The following TSPEAR variants were observed in gnomAD, a reference collection of about 807,000 sequenced individuals.
The protein encoded by TSPEAR is thrombospondin type laminin G domain and EAR repeats, also known as thrombospondin-type laminin G domain and EAR repeat-containing protein.
In TSPEAR, 69 loss-of-function variants were observed where a neutral mutation model predicts 71.6. The observed-to-expected ratio is 0.96, with a 90% confidence interval of 0.79 to 1.18. The LOEUF (loss-of-function observed/expected upper bound fraction) is 1.18, where lower values mean the gene tolerates loss of function less well. Ranked by LOEUF, TSPEAR falls within the 50% of genes most tolerant of loss-of-function variation. The pLI is 0.00. For synonymous variants in TSPEAR, 402 were observed against 387.2 expected (o/e 1.04, Z -0.45); for missense variants, 971 against 894.9 (o/e 1.09, Z -1.09).
At chr21:44,543,041 G>A (rs2053248183) in intron 2 of TSPEAR, among the ~76,000 whole-genome samples, 1 of 151,954 alleles carries the variant, frequency 6.6e-6, no homozygotes, top group African/African-American at 2.4e-5. Flanking sequence ...TCTATACCTG[G>A]GAAGAAGATT....
rs949777166 is a variant in TSPEAR at position 44,586,950 on chromosome 21, T to C, written c.83-18945A>G. Among the ~76,000 whole-genome samples, 4 of 152,184 alleles carry C rather than the reference T, an allele frequency of 2.6e-5. No individual in the cohort carries two copies. The South Asian group carries it at 8.3e-4, about 32-fold the overall frequency. On this transcript the variant is annotated intron_variant, in intron 1 of 11. Transcript: ENST00000323084. ...CAACATAACACTGAATGGGGAGAAG[T>C]TGAAAGCACTCCCTCTGAGAACTGC...
At chr21:44,645,347 G>A (rs1458857129) in intron 1 of TSPEAR, among the ~76,000 whole-genome samples, 19 of 133,176 alleles carry the variant, frequency 1.4e-4, no homozygotes, top group Non-Finnish European at 2.7e-4. Flanking sequence ...ATCGAAGGGA[G>A]GGCCACTTAG....
At chr21:44,653,047 A>G (rs1285208840) in intron 1 of TSPEAR, among the ~76,000 whole-genome samples, 2 of 152,014 alleles carry the variant, frequency 1.3e-5, no homozygotes, top group East Asian at 3.8e-4. Flanking sequence ...AGTCCCAGAT[A>G]CTCGGGAGGC....
In TSPEAR at chr21:44,710,358, G is replaced by A. The variant is rs1988154636; in HGVS notation, c.82+1075C>T. Reference sequence around the variant, plus strand: ...CTACCTACCTCCCACTGCACAGCCCGAGGGCTGTCCTGGAGGCACAGCCAT... The same window carrying A: ...CTACCTACCTCCCACTGCACAGCCCAAGGGCTGTCCTGGAGGCACAGCCAT... On this transcript the variant is annotated intron_variant, in intron 1 of 11. Coordinates refer to ENST00000323084, the MANE Select transcript of TSPEAR (RefSeq NM_144991.3). The surrounding 1 kb of genome is among the most constrained non-coding windows in gnomAD (Gnocchi z 4.6). 6.6e-6 allele frequency among the ~76,000 whole-genome samples: 1 copy of A among 151,994 alleles called. No individual in the cohort carries two copies.
intron 1 of TSPEAR, chr21:44,646,787 G>A: frequency 1.9e-6 from 3 of 1,613,408 alleles, no homozygotes; most frequent in Non-Finnish European, 2.5e-6. Context: ...ACTGTCTGCT[G>A]CAAGCCTGTG....
rs587655389 is a variant in TSPEAR, at chr21:44,637,447, C to T, written c.83-69442G>A. 8.1e-6 allele frequency: 13 copies of T among 1,611,572 alleles called. No homozygotes were observed. In the Admixed American group the frequency reaches 1.2e-4, roughly 14 times the overall value. On this transcript the variant is annotated intron_variant, in intron 1 of 11. Transcript: ENST00000323084. ...CCGCCTCCACCATGTCCATCTGCTCCAGCGCCTGCACTGACTCTTGGCGGG... is the reference window on the plus strand; with the variant it reads ...CCGCCTCCACCATGTCCATCTGCTCTAGCGCCTGCACTGACTCTTGGCGGG...
chr21:44,528,586 G>A lies in TSPEAR; in HGVS notation c.791-3C>T, dbSNP rs782190378. 12 of 1,613,548 alleles carry A rather than the reference G, an allele frequency of 7.4e-6. No individual in the cohort carries two copies. Among genetic ancestry groups the A allele is most frequent in the Non-Finnish European group, 1.0e-5 (12 of 1,179,780 alleles). ...CAGCGTCACTCGAATGTTGGTTTCTGAGGGGAAGACCAGGAAGATGAGTTT... is the reference window on the plus strand; with the variant it reads ...CAGCGTCACTCGAATGTTGGTTTCTAAGGGGAAGACCAGGAAGATGAGTTT... On this transcript the variant is annotated splice_region_variant and splice_polypyrimidine_tract_variant and intron_variant, in intron 5 of 11. Coordinates refer to ENST00000323084, the MANE Select transcript of TSPEAR (RefSeq NM_144991.3).
In TSPEAR at chr21:44,612,581, T is replaced by C. The variant is rs371676665; in HGVS notation, c.83-44576A>G. The stretch of plus-strand genomic sequence containing the variant: ...GTCAGCTTGCTGCACCTTCTCCCCA[T>C]GCCAACAGGCCTGCTGTGTGCCCAT... On this transcript the variant is annotated intron_variant, in intron 1 of 11. Coordinates refer to ENST00000323084, the MANE Select transcript of TSPEAR (RefSeq NM_144991.3). This position sits in a 1 kb window ranked among gnomAD's most constrained non-coding sequence, Gnocchi z 4.1. 27 of 1,614,014 alleles carry C rather than the reference T, an allele frequency of 1.7e-5. No homozygotes were observed. The highest frequency in any genetic ancestry group is 8.0e-5 in the African/African-American group (6 of 74,906).
At chr21:44,686,427 T>G (rs1332200150) in intron 1 of TSPEAR, 1 of 154,464 alleles carries the variant, frequency 6.5e-6, no homozygotes, top group East Asian at 1.9e-4. Context: ...TGGGACCTCC[T>G]GCTGCCACCT....
intron 1 of TSPEAR, among the ~76,000 whole-genome samples, chr21:44,610,460 G>A (rs1229603072): frequency 6.6e-6 from 1 of 152,262 alleles, no homozygotes; most frequent in Admixed American, 6.5e-5. Context: ...CAGGTGCACA[G>A]AAGTCAAGAA....
intron 1 of TSPEAR, chr21:44,681,729 C>A: frequency 5.7e-6 from 8 of 1,401,902 alleles, no homozygotes; most frequent in Non-Finnish European, 6.8e-6. Flanking sequence ...ACTGAGCATG[C>A]TTTTCACCTG....
intron 2 of TSPEAR, among the ~76,000 whole-genome samples, chr21:44,552,216 G>A (rs1400899044): frequency 6.6e-6 from 1 of 152,144 alleles, no homozygotes; most frequent in African/African-American, 2.4e-5. Context: ...CCTTGAGGAG[G>A]TGGATGTGGA....
At chr21:44,703,195 G>A (rs531394090) in intron 1 of TSPEAR, among the ~76,000 whole-genome samples, 16 of 152,236 alleles carry the variant, frequency 1.1e-4, no homozygotes, top group African/African-American at 3.1e-4. Flanking sequence ...ATTCTTTCTC[G>A]GGCCCTCTAT....
rs545164645 is a variant in TSPEAR, at chr21:44,695,753, G to A, written c.82+15680C>T. Among the ~76,000 whole-genome samples, 13 of 152,224 alleles carry A rather than the reference G, an allele frequency of 8.5e-5. No individual in the cohort carries two copies. Among genetic ancestry groups the A allele is most frequent in the African/African-American group, 2.4e-4 (10 of 41,514 alleles). Reference sequence around the variant, plus strand: ...TCACCGCAGCGGGACAGGGGTACACGCCACACACCAGGGTTTCATCTCATC... The same window carrying A: ...TCACCGCAGCGGGACAGGGGTACACACCACACACCAGGGTTTCATCTCATC... On this transcript the variant is annotated intron_variant, in intron 1 of 11. Transcript: ENST00000323084. The surrounding 1 kb of genome is among the most constrained non-coding windows in gnomAD (Gnocchi z 4.5).
intron 1 of TSPEAR, among the ~76,000 whole-genome samples, chr21:44,685,626 C>T (rs1194018860): frequency 7.9e-5 from 12 of 152,294 alleles, no homozygotes; most frequent in Admixed American, 5.2e-4. Flanking sequence ...TGTGGTCACA[C>T]GCCTGAGCCA....
At chr21:44,540,101 C>G in intron 2 of TSPEAR, 1 of 1,613,766 alleles carries the variant, frequency 6.2e-7, no homozygotes, top group South Asian at 1.1e-5. Flanking sequence ...ATCCACCTGC[C>G]AGGAGTCGGA....
chr21:44,678,047 C>T, intron 1 of TSPEAR: 1 of 733,382 alleles, frequency 1.4e-6, no homozygotes, highest in Admixed American at 2.0e-5. Flanking sequence ...CAACTCTGGG[C>T]CACAGCGGTC....
chr21:44,499,638 G>A lies in TSPEAR; in HGVS notation c.*145C>T, dbSNP rs1017369327. ...GGATGTCCCTGCCCGAACCAGGGCC[G>A]CAGATGGCCCCACCTGCACCCTGCC... is the stretch of plus-strand genomic sequence containing the variant. On this transcript the variant is annotated 3_prime_UTR_variant, in exon 12 of 12. Transcript: ENST00000323084. 4.5e-5 allele frequency: 36 copies of A among 794,118 alleles called. No homozygotes were observed. Among genetic ancestry groups the A allele is most frequent in the South Asian group, 1.6e-4 (8 of 51,462 alleles). 49.2% of individuals were successfully genotyped at this position (794,118 alleles called of 1,614,324 possible). A position where few individuals can be genotyped will look rare whatever the true frequency, so the allele number is the denominator to read the frequency against.
At chr21:44,625,436 A>AT (rs200445928) in intron 1 of TSPEAR, among the ~76,000 whole-genome samples, 12 of 151,984 alleles carry the variant, frequency 7.9e-5, no homozygotes, top group South Asian at 4.1e-4. Context: ...CTACAAAAAA[A>AT]ATTTTTTTTT....
Sources: allele counts gnomAD v4.1 joint callset (sites outside exome capture counted in the v4.1 genomes callset), GRCh38; gene constraint gnomAD v4.1.1; non-coding constraint Gnocchi (gnomAD v3.1); transcripts MANE v1.5; gene names NCBI Gene and HGNC (gene_info 2026-07-23, HGNC 2026-07-21).